Variants in CFAP210 observed in about 807,000 individuals in gnomAD.
The protein encoded by CFAP210 is cilia and flagella associated protein 210, also known as cilia- and flagella- associated protein 210.
chr2:169,693,713 AT>A, the CFAP210 span, among the ~76,000 whole-genome samples: 317 of 151,936 alleles, frequency 2.1e-3, no homozygotes, highest in Middle Eastern at 6.8e-3. Flanking sequence ...ATGTCACACG[AT>A]TTTTTTTTAA....
the CFAP210 span, among the ~76,000 whole-genome samples, chr2:169,670,919 G>T: frequency 6.6e-6 from 1 of 152,228 alleles, no homozygotes; most frequent in Non-Finnish European, 1.5e-5. Flanking sequence ...GAGTATCAAA[G>T]AACGTATGGA....
At chr2:169,693,538 A>G in the CFAP210 span, among the ~76,000 whole-genome samples, 1 of 152,384 alleles carries the variant, frequency 6.6e-6, no homozygotes, top group Admixed American at 6.5e-5. Context: ...CAATGACATG[A>G]AGATACTTCA....
At chr2:169,682,073 T>C in the CFAP210 span, among the ~76,000 whole-genome samples, 2 of 152,234 alleles carry the variant, frequency 1.3e-5, no homozygotes, top group African/African-American at 4.8e-5. Flanking sequence ...TTTTTGAAGA[T>C]GATTGAGTTG....
the CFAP210 span, among the ~76,000 whole-genome samples, chr2:169,651,507 G>T: frequency 6.6e-6 from 1 of 151,848 alleles, no homozygotes; most frequent in Non-Finnish European, 1.5e-5. Context: ...CGATTCTCCT[G>T]CCTCAGCCCA....
the CFAP210 span, among the ~76,000 whole-genome samples, chr2:169,646,401 C>T: frequency 4.6e-5 from 7 of 152,140 alleles, no homozygotes; most frequent in Non-Finnish European, 8.8e-5. Context: ...TTATGTGATA[C>T]ATTTGCAAAT....
chr2:169,675,538 G>A, the CFAP210 span, among the ~76,000 whole-genome samples: 13 of 152,158 alleles, frequency 8.5e-5, no homozygotes, highest in Non-Finnish European at 1.2e-4. Context: ...CACATCTCAC[G>A]AGAACACAGT....
the CFAP210 span, among the ~76,000 whole-genome samples, chr2:169,663,434 G>A: frequency 6.6e-6 from 1 of 152,130 alleles, no homozygotes; most frequent in Non-Finnish European, 1.5e-5. Context: ...CTCCTGGACT[G>A]AAGCAATCCT....
the CFAP210 span, among the ~76,000 whole-genome samples, chr2:169,665,519 T>C: frequency 9.9e-5 from 15 of 152,046 alleles, no homozygotes; most frequent in South Asian, 4.1e-4. Flanking sequence ...AGGGGAAGGA[T>C]GGCTATCTGG....
chr2:169,648,276 C>A, the CFAP210 span: 1 of 177,742 alleles, frequency 5.6e-6, no homozygotes, highest in Non-Finnish European at 1.2e-5. Context: ...GATAGTAAAA[C>A]AGAGGTTACT....
chr2:169,691,653 T>C, the CFAP210 span, among the ~76,000 whole-genome samples: 6 of 152,262 alleles, frequency 3.9e-5, no homozygotes, highest in Admixed American at 6.5e-5. Context: ...ACACTTTCTA[T>C]TGAAACCTTT....
the CFAP210 span, among the ~76,000 whole-genome samples, chr2:169,669,424 A>G: frequency 1.3e-5 from 2 of 152,216 alleles, no homozygotes; most frequent in Non-Finnish European, 2.9e-5. Flanking sequence ...TAATATGATC[A>G]ATTTTCATCT....
the CFAP210 span, among the ~76,000 whole-genome samples, chr2:169,687,710 TG>T: frequency 2.6e-5 from 4 of 152,196 alleles, no homozygotes; most frequent in Non-Finnish European, 5.9e-5. Flanking sequence ...TGGTGCAAGC[TG>T]TCAGTGGATC....
chr2:169,651,396 AAG>A, the CFAP210 span, among the ~76,000 whole-genome samples: 2 of 151,940 alleles, frequency 1.3e-5, no homozygotes, highest in African/African-American at 4.8e-5. Flanking sequence ...ATTAAAAAAA[AAG>A]AAAAAAAATT....
the CFAP210 span, among the ~76,000 whole-genome samples, chr2:169,688,242 C>T: frequency 6.6e-6 from 1 of 152,216 alleles, no homozygotes; most frequent in Non-Finnish European, 1.5e-5. Flanking sequence ...TAACATTAGG[C>T]TTCTTGATGC....
chr2:169,693,105 T>C, the CFAP210 span, among the ~76,000 whole-genome samples: 53 of 152,350 alleles, frequency 3.5e-4, no homozygotes, highest in Admixed American at 1.2e-3. Flanking sequence ...CAGGCATAGA[T>C]CCTATTTCAC....
At chr2:169,656,471 AGGAGAAGGTGGT>A in the CFAP210 span, among the ~76,000 whole-genome samples, 2 of 150,146 alleles carry the variant, frequency 1.3e-5, no homozygotes, top group Admixed American at 6.6e-5. Flanking sequence ...AAGGAGGAGG[AGGAGAAGGTGGT>A]GGAGAAGGAG....
chr2:169,680,926 T>A, the CFAP210 span: 1 of 1,212,866 alleles, frequency 8.2e-7, no homozygotes, highest in Non-Finnish European at 1.2e-6. Context: ...TGTAAAAAAA[T>A]TTATAAAAAG....
At chr2:169,662,173 A>G in the CFAP210 span, 1 of 1,212,266 alleles carries the variant, frequency 8.2e-7, no homozygotes, top group South Asian at 1.4e-5. Context: ...GCATGGGTCA[A>G]AATACCACAT....
At chr2:169,650,556 T>C in the CFAP210 span, 5 of 1,436,112 alleles carry the variant, frequency 3.5e-6, no homozygotes, top group Non-Finnish European at 4.6e-6. Context: ...CAAATCTTCA[T>C]GAACACATGT....
Sources: allele counts gnomAD v4.1 joint callset (sites outside exome capture counted in the v4.1 genomes callset), GRCh38; gene constraint gnomAD v4.1.1; transcripts MANE v1.5; gene names NCBI Gene and HGNC (gene_info 2026-07-23, HGNC 2026-07-21).